TBCA: variants seen among roughly 807,000 people sequenced by gnomAD.
TBCA encodes the protein tubulin-specific chaperone A.
TBCA carries 6 observed loss-of-function variants against 15.8 expected under a neutral mutation model. That is an observed-to-expected ratio of 0.38 (90% CI 0.21 to 0.75). TBCA has a LOEUF of 0.75. TBCA is among the 30% of genes least tolerant of loss of function. The pLI is 0.46. For synonymous variants in TBCA, 32 were observed against 42.3 expected (o/e 0.76, Z 0.94); for missense variants, 90 against 131.2 (o/e 0.69, Z 1.53).
At chr5:77,761,144 C>T (rs1310557490) in intron 1 of TBCA, among the ~76,000 whole-genome samples, 6 of 151,984 alleles carry the variant, frequency 3.9e-5, no homozygotes, top group East Asian at 1.9e-4. Context: ...GAAGAGACAG[C>T]GACCATCGAG....
chr5:77,738,517 G>A (rs1056635628), intron 1 of TBCA, among the ~76,000 whole-genome samples: 1 of 152,194 alleles, frequency 6.6e-6, no homozygotes, highest in Non-Finnish European at 1.5e-5. Context: ...TCATGCACAT[G>A]GCCTGCCCAC....
intron 1 of TBCA, among the ~76,000 whole-genome samples, chr5:77,756,026 A>C (rs1243951503): frequency 2.0e-5 from 3 of 152,146 alleles, no homozygotes; most frequent in African/African-American, 7.2e-5. Flanking sequence ...AACAACAAAA[A>C]AAAAAACACA....
At chr5:77,738,497 T>C (rs938112750) in intron 1 of TBCA, among the ~76,000 whole-genome samples, 2 of 152,244 alleles carry the variant, frequency 1.3e-5, no homozygotes, top group African/African-American at 4.8e-5. Flanking sequence ...AAGCAGTCAG[T>C]AACATTTAGT....
intron 1 of TBCA, among the ~76,000 whole-genome samples, chr5:77,772,784 T>C (rs1352398752): frequency 6.6e-6 from 1 of 152,232 alleles, no homozygotes; most frequent in Non-Finnish European, 1.5e-5. Flanking sequence ...AATAGTAAAC[T>C]ATCACCAAGT....
intron 1 of TBCA, among the ~76,000 whole-genome samples, chr5:77,726,757 A>T (rs1363278264): frequency 6.6e-6 from 1 of 152,206 alleles, no homozygotes; most frequent in Non-Finnish European, 1.5e-5. Context: ...AAGTGCAAGG[A>T]TTAAAATTAT....
intron 1 of TBCA, among the ~76,000 whole-genome samples, chr5:77,760,749 G>A (rs1459958201): frequency 2.0e-5 from 3 of 152,326 alleles, no homozygotes; most frequent in African/African-American, 7.2e-5. Flanking sequence ...CTGGAGTGCA[G>A]TGGCATGATC....
chr5:77,756,429 G>A (rs1227254062), intron 1 of TBCA, among the ~76,000 whole-genome samples: 2 of 152,100 alleles, frequency 1.3e-5, no homozygotes, highest in Non-Finnish European at 2.9e-5. Context: ...TGGTTGGGAG[G>A]AGCACAATGA....
chr5:77,738,007 C>T (rs1187797899), intron 1 of TBCA, among the ~76,000 whole-genome samples: 3 of 152,136 alleles, frequency 2.0e-5, no homozygotes, highest in Non-Finnish European at 4.4e-5. Flanking sequence ...ATTTACCTTA[C>T]CAACAAGAAA....
intron 2 of TBCA, among the ~76,000 whole-genome samples, chr5:77,706,330 C>T (rs1746147976): frequency 6.6e-6 from 1 of 152,046 alleles, no homozygotes; most frequent in Non-Finnish European, 1.5e-5. Flanking sequence ...AAGTAGAAGA[C>T]CAAGTGATCT....
At chr5:77,715,406 T>A (rs1746374548) in intron 1 of TBCA, 1 of 615,002 alleles carries the variant, frequency 1.6e-6, no homozygotes, top group South Asian at 2.0e-5. Flanking sequence ...TGAGCTCTTA[T>A]GAAAACATCT....
intron 1 of TBCA, among the ~76,000 whole-genome samples, chr5:77,763,812 G>A (rs181777316): frequency 6.2e-4 from 95 of 152,264 alleles, no homozygotes; most frequent in African/African-American, 2.1e-3. Context: ...TGTTGTTAGG[G>A]CAGCTTGAAC....
At chr5:77,776,123 T>C in intron 1 of TBCA, 82 bp downstream of exon 1, 1 of 1,527,582 alleles carries the variant, frequency 6.5e-7, no homozygotes, top group Non-Finnish European at 8.9e-7. Flanking sequence ...TCGGGCCTCC[T>C]CGGGCCTGCG....
At chr5:77,725,849 C>T (rs1435574018) in intron 1 of TBCA, among the ~76,000 whole-genome samples, 1 of 152,070 alleles carries the variant, frequency 6.6e-6, no homozygotes, top group South Asian at 2.1e-4. Flanking sequence ...TTCGTAATGC[C>T]GTCTTTGGAA....
intron 1 of TBCA, among the ~76,000 whole-genome samples, chr5:77,722,794 T>A (rs1746554034): frequency 6.6e-6 from 1 of 151,872 alleles, no homozygotes; most frequent in African/African-American, 2.4e-5. Context: ...TACACAACAT[T>A]AAATATAAAC....
intron 1 of TBCA, among the ~76,000 whole-genome samples, chr5:77,760,113 G>A (rs1747575580): frequency 6.6e-6 from 1 of 152,178 alleles, no homozygotes. Flanking sequence ...GAGAAGAGGG[G>A]AGGGTTGAAG....
chr5:77,717,117 C>T (rs957089438), intron 1 of TBCA, among the ~76,000 whole-genome samples: 1 of 152,202 alleles, frequency 6.6e-6, no homozygotes, highest in African/African-American at 2.4e-5. Flanking sequence ...TCAATCTAGT[C>T]AGAGAACTGC....
At chr5:77,692,435 C>CATTATTATTATT (rs757164327) in intron 3 of TBCA, 1 of 945,868 alleles carries the variant, frequency 1.1e-6, no homozygotes, top group African/African-American at 1.8e-5. Flanking sequence ...CATCCAAATA[C>CATTATTATTATT]ATTATTATTA....
intron 2 of TBCA, among the ~76,000 whole-genome samples, chr5:77,705,306 A>C (rs146781974): frequency 4.6e-5 from 7 of 152,296 alleles, no homozygotes; most frequent in African/African-American, 1.7e-4. Flanking sequence ...AAAGAAAAAG[A>C]CTAAATGAGG....
At chr5:77,692,857 G>T in intron 3 of TBCA, 1 of 1,117,882 alleles carries the variant, frequency 8.9e-7, no homozygotes, top group Non-Finnish European at 1.1e-6. Context: ...GTTTGAATGT[G>T]AAAGAATTCA....
Sources: gnomAD v4.1 joint callset for allele counts (sites outside exome capture counted in the v4.1 genomes callset) on GRCh38, gnomAD v4.1.1 for gene constraint, MANE v1.5 for transcripts, NCBI Gene and HGNC (gene_info 2026-07-23, HGNC 2026-07-21) for gene names.